Variants in RYR1 observed in about 807,000 individuals in gnomAD.
RYR1 encodes the protein central core disease of muscle.
In RYR1, 342 loss-of-function variants were observed where a neutral mutation model predicts 583.5. That is an observed-to-expected ratio of 0.59 (90% confidence interval 0.54 to 0.64). The LOEUF (loss-of-function observed/expected upper bound fraction) is 0.64, where lower values mean the gene tolerates loss of function less well. Among genes scored for constraint, RYR1 ranks in the 30% least tolerant of loss-of-function variants. RYR1 has a pLI of 0.00. For synonymous variants in RYR1, 2,791 were observed against 2,822.5 expected, an observed-to-expected ratio of 0.99 and a Z score of 0.35; for missense variants, 6,032 against 6,917.2, an observed-to-expected ratio of 0.87 and a Z score of 4.54.
rs747391979 is a variant in RYR1, at chr19:38,510,495, C to T, written c.8933-3C>T. On this transcript the variant is annotated splice_polypyrimidine_tract_variant and splice_region_variant and intron_variant, in intron 58 of 105. Transcript: ENST00000359596. The stretch of plus-strand genomic sequence containing the variant: ...CTGTGAACCCTATTTGCCCTCCCTA[C>T]AGAGGCTGTGGTCAGCAGTGGGCGA... The T allele has an allele frequency of 6.2e-7, 1 of 1,614,214 alleles. No homozygotes were observed. The highest frequency in any genetic ancestry group is 1.1e-5 in the South Asian group (1 of 91,086).
chr19:38,556,065 T>C (rs1021218318), intron 89 of RYR1, among the ~76,000 whole-genome samples: 2 of 152,082 alleles, frequency 1.3e-5, no homozygotes, highest in Admixed American at 6.6e-5. Context: ...GGTTTCGCCA[T>C]GTTGGCCAGG....
intron 84 of RYR1, among the ~76,000 whole-genome samples, chr19:38,541,591 C>G (rs1024993868): frequency 6.6e-6 from 1 of 152,156 alleles, no homozygotes; most frequent in African/African-American, 2.4e-5. Context: ...TGGCGCATGC[C>G]TGTAATCCCA....
Position 38,496,363 on chromosome 19 carries a change from G to C in RYR1, c.6663+34G>C, listed in dbSNP as rs1259875362. 1 of 1,613,794 alleles carries C rather than the reference G, an allele frequency of 6.2e-7. No individual in the cohort carries two copies. Among genetic ancestry groups the C allele is most frequent in the East Asian group, 2.2e-5 (1 of 44,890 alleles). ...CCAGGCAGGTGCTGGGGAGCTCAGG[G>C]GAGGCAGCCACAGAGGGCAGGCCCT... On this transcript the variant is annotated intron_variant, in intron 40 of 105. Transcript: ENST00000359596. This position sits in a 1 kb window ranked among gnomAD's most constrained non-coding sequence, Gnocchi z 4.8.
At chr19:38,447,128 G>T (rs1328173634) in intron 9 of RYR1, among the ~76,000 whole-genome samples, 1 of 152,222 alleles carries the variant, frequency 6.6e-6, no homozygotes, top group Non-Finnish European at 1.5e-5. Flanking sequence ...GTGGGGCTGA[G>T]GTGGGAGGAT....
At chr19:38,553,524 C>G (rs1000162602) in intron 89 of RYR1, among the ~76,000 whole-genome samples, 1 of 151,584 alleles carries the variant, frequency 6.6e-6, no homozygotes, top group African/African-American at 2.4e-5. Context: ...GAGGTGTGCA[C>G]CTGTAGTCCC....
Position 38,517,541 on chromosome 19 carries a change from G to C in RYR1, c.9868G>C (p.Glu3290Gln), listed in dbSNP as rs112151058. ...GCCCCGATGGTGGGAGCGCGGGCCC[G>C]AGGCACCCCCTTCCGCCCTGCCCGC... Reference protein sequence around the residue: ...YLPRWWERGPEAPPSALPAGA... With the variant: ...YLPRWWERGPQAPPSALPAGA... Residue 3290 changes from glutamate to glutamine, a missense_variant, in exon 66 of 106, where the codon GAG becomes CAG. Physicochemically the swap from Glu to Gln is conservative, Grantham distance 29. Transcript: ENST00000359596. 1 of 1,613,722 alleles carries C rather than the reference G, an allele frequency of 6.2e-7. No individual in the cohort carries two copies. The highest frequency in any genetic ancestry group is 8.5e-7 in the Non-Finnish European group (1 of 1,179,874).
intron 84 of RYR1, among the ~76,000 whole-genome samples, chr19:38,542,126 A>C (rs966731030): frequency 6.8e-6 from 1 of 148,122 alleles, no homozygotes; most frequent in African/African-American, 2.5e-5. Context: ...TTACTACTGT[A>C]TCCCCAGAGC....
rs777058523 is a variant in RYR1, at chr19:38,490,091, G to C, written c.5830G>C (p.Glu1944Gln). 6.2e-7 allele frequency: 1 copy of C among 1,614,100 alleles called. No homozygotes were observed. The highest frequency in any genetic ancestry group is 8.5e-7 in the Non-Finnish European group (1 of 1,180,032). Residue 1944 changes from glutamate to glutamine, a missense_variant, in exon 36 of 106, where the codon GAG becomes CAG. Transcript: ENST00000359596. The part of the protein sequence containing the change: ...SVKLQMCHLL[E>Q]YFCDQELQHR... ...CCTTCCACAGATGTGCCACCTGCTG[G>C]AGTATTTCTGTGACCAAGAGCTGCA...
intron 1 of RYR1, among the ~76,000 whole-genome samples, chr19:38,435,338 G>C (rs1972378936): frequency 6.6e-6 from 1 of 152,230 alleles, no homozygotes; most frequent in Non-Finnish European, 1.5e-5. Context: ...ACTTGCCAAA[G>C]TAGTCAGCGT....
chr19:38,473,406 G>T lies in RYR1; in HGVS notation c.3795G>T (p.Thr1265=). The change falls in exon 28 of 106, where the codon ACG becomes ACT. Residue 1265 remains threonine (T), a synonymous_variant. Coordinates refer to ENST00000359596, the MANE Select transcript of RYR1 (RefSeq NM_000540.3). The stretch of plus-strand genomic sequence containing the variant: ...CCCGAGTGGACGGCACTGTGGACAC[G>T]CCCCCCTGCCTGCGCCTGACCCACC... ...EVSRVDGTVD[T]PPCLRLTHRT... is the part of the protein sequence containing the mutation. 1 of 1,613,730 alleles carries T rather than the reference G, an allele frequency of 6.2e-7. No individual in the cohort carries two copies. Among genetic ancestry groups the T allele is most frequent in the South Asian group, 1.1e-5 (1 of 91,080 alleles).
At chr19:38,471,133 T>A (rs1410105828) in intron 27 of RYR1, among the ~76,000 whole-genome samples, 1 of 152,204 alleles carries the variant, frequency 6.6e-6, no homozygotes, top group Non-Finnish European at 1.5e-5. Context: ...TGTGGTGTGC[T>A]CAGTTGGGAA....
chr19:38,585,269 G>A (rs563881168), intron 102 of RYR1, among the ~76,000 whole-genome samples, 170 bp downstream of exon 102: 10 of 151,824 alleles, frequency 6.6e-5, no homozygotes, highest in African/African-American at 1.9e-4. Flanking sequence ...TCTGCAAAAC[G>A]AGGGTGTCAA....
In RYR1 at chr19:38,542,239, A is replaced by C. The variant is rs186271749; in HGVS notation, c.11690-1108A>C. ...GAGGATGTAGTATACACTCAATAAA[A>C]TATGTTGAATAAATGAACAAGTGAC... On this transcript the variant is annotated intron_variant, in intron 84 of 105. Coordinates refer to ENST00000359596, the MANE Select transcript of RYR1 (RefSeq NM_000540.3). Among the ~76,000 whole-genome samples, 5 of 152,140 alleles carry C rather than the reference A, an allele frequency of 3.3e-5. No homozygotes were observed. The East Asian group carries it at 9.7e-4, about 29-fold the overall frequency.
At chr19:38,477,242 A>C (rs1968780361) in intron 29 of RYR1, among the ~76,000 whole-genome samples, 1 of 152,082 alleles carries the variant, frequency 6.6e-6, no homozygotes, top group Non-Finnish European at 1.5e-5. Flanking sequence ...TCCCAGGTTC[A>C]AGCGATTCTC....
rs547341665 is a variant in RYR1, at chr19:38,548,437, G to A, written c.12282+17G>A. 9.9e-6 allele frequency: 16 copies of A among 1,611,030 alleles called. No homozygotes were observed. Among genetic ancestry groups the A allele is most frequent in the South Asian group, 8.8e-5 (8 of 91,004 alleles). On this transcript the variant is annotated intron_variant, in intron 89 of 105. Transcript: ENST00000359596. Reference sequence around the variant, plus strand: ...TTCCAGAAGGTGGGTGTGGGACATCGTGTGGGCCCAGGACTTGGGTGGGGT... The same window carrying A: ...TTCCAGAAGGTGGGTGTGGGACATCATGTGGGCCCAGGACTTGGGTGGGGT...
chr19:38,450,154 G>A (rs1490498065), intron 11 of RYR1, among the ~76,000 whole-genome samples: 2 of 152,202 alleles, frequency 1.3e-5, no homozygotes, highest in Non-Finnish European at 2.9e-5. Context: ...ACGGTCAGGG[G>A]ACAGAGCCAG....
chr19:38,479,863 C>T lies in RYR1; in HGVS notation c.4620+1263C>T, dbSNP rs143440088. Among the ~76,000 whole-genome samples, 9 of 151,958 alleles carry T rather than the reference C, an allele frequency of 5.9e-5. No homozygotes were observed. The East Asian group carries it at 7.8e-4, about 13-fold the overall frequency. On this transcript the variant is annotated intron_variant, in intron 31 of 105. Transcript: ENST00000359596. The stretch of plus-strand genomic sequence containing the variant: ...TCTTGAATAGTTGAGAACACAGGCA[C>T]GTGCCACCATGCCCAGCTAATTTTT...
At chr19:38,551,599 G>A (rs554497282) in intron 89 of RYR1, among the ~76,000 whole-genome samples, 5 of 152,134 alleles carry the variant, frequency 3.3e-5, no homozygotes, top group South Asian at 2.1e-4. Flanking sequence ...GGGGCTTGCC[G>A]GCTTCCGTCC....
rs369014176 is a variant in RYR1, at chr19:38,575,990, G to A, written c.14172+29G>A. The stretch of plus-strand genomic sequence containing the variant: ...AGAGGACATGGATGCCCTGGGTCCT[G>A]GATTGGGTCCCTGCCTGCCACCAGG... On this transcript the variant is annotated intron_variant, in intron 97 of 105. Coordinates refer to ENST00000359596, the MANE Select transcript of RYR1 (RefSeq NM_000540.3). 37 of 1,613,732 alleles carry A rather than the reference G, an allele frequency of 2.3e-5. No homozygotes were observed. The African/African-American group carries it at 3.5e-4, about 15-fold the overall frequency.
Sources: gnomAD v4.1 joint callset for allele counts (sites outside exome capture counted in the v4.1 genomes callset) on GRCh38, gnomAD v4.1.1 for gene constraint, Gnocchi (gnomAD v3.1) non-coding constraint, MANE v1.5 for transcripts, NCBI Gene and HGNC (gene_info 2026-07-23, HGNC 2026-07-21) for gene names.